The following KLHL29 variants were observed in gnomAD, a reference collection of about 807,000 sequenced individuals.
KLHL29 encodes the protein kelch-like protein 29.
A neutral mutation model predicts 80.4 loss-of-function variants in KLHL29; 21 were observed. The ratio of observed to expected loss-of-function variants is 0.26; its 90% CI spans 0.19 to 0.38. The LOEUF is 0.38. Among genes scored for constraint, KLHL29 ranks in the 10% least tolerant of loss-of-function variants. The probability of loss-of-function intolerance (pLI) is 1.00; values close to 1 mark genes in which losing one functional copy is unlikely to be tolerated. For missense variants in KLHL29, 867 were observed against 1,223.9 expected (o/e 0.71, Z 4.35); for synonymous variants, 511 against 526.8 (o/e 0.97, Z 0.41).
chr2:23,520,086 G>C (rs918055462), intron 2 of KLHL29, among the ~76,000 whole-genome samples: 2 of 152,238 alleles, frequency 1.3e-5, no homozygotes, highest in African/African-American at 4.8e-5. Context: ...CCACCCAGGA[G>C]AGAAGCCAGG....
chr2:23,696,758 T>G lies in KLHL29; in HGVS notation c.2105+245T>G. 4.4e-6 allele frequency: 2 copies of G among 451,576 alleles called. No individual in the cohort carries two copies. Among genetic ancestry groups the G allele is most frequent in the African/African-American group, 2.0e-5 (1 of 48,836 alleles). The allele number at this position is 451,576 out of a possible 1,614,324, so 28.0% of individuals were successfully genotyped here. On this transcript the variant is annotated intron_variant, in intron 11 of 13. Transcript: ENST00000486442. This position sits in a 1 kb window ranked among gnomAD's most constrained non-coding sequence, Gnocchi z 5.5. The stretch of plus-strand genomic sequence containing the variant: ...TGAGATGGGAGATGGGGCGCTTCTG[T>G]CCCGACAACCCATTTAGGTGTCAGA...
intron 2 of KLHL29, among the ~76,000 whole-genome samples, chr2:23,477,662 G>A (rs926937549): frequency 9.2e-5 from 14 of 152,354 alleles, no homozygotes; most frequent in African/African-American, 3.1e-4. Flanking sequence ...CGATATCGCC[G>A]GCACTGGGGA....
chr2:23,568,998 T>A (rs1667653422), intron 3 of KLHL29, among the ~76,000 whole-genome samples: 1 of 152,134 alleles, frequency 6.6e-6, no homozygotes. Flanking sequence ...GAACAGACTG[T>A]CCAGTTGGCT....
intron 5 of KLHL29, chr2:23,670,304 T>TGTC (rs1670675358): frequency 6.6e-6 from 1 of 151,842 alleles, no homozygotes; most frequent in Non-Finnish European, 1.5e-5. Context: ...AGGACGGGGG[T>TGTC]GTCAGTACAG....
intron 3 of KLHL29, among the ~76,000 whole-genome samples, chr2:23,582,086 C>T (rs1204581328): frequency 6.6e-6 from 1 of 152,132 alleles, no homozygotes; most frequent in East Asian, 1.9e-4. Context: ...TGCTCAGGGG[C>T]AAAACAGCTC....
chr2:23,553,513 G>A (rs1353678294), intron 2 of KLHL29, among the ~76,000 whole-genome samples: 1 of 152,172 alleles, frequency 6.6e-6, no homozygotes, highest in African/African-American at 2.4e-5. Context: ...CGTGGCCCCT[G>A]CAAACCCCAC....
In KLHL29 at chr2:23,498,853, G is replaced by A. The variant is rs1293365086; in HGVS notation, c.-46+23186G>A. ...TTCAAGGCAGAACCTGGGTGAGGCCGCCCCTATGCCTCCCAAGACTGGGCG... is the reference window on the plus strand; with the variant it reads ...TTCAAGGCAGAACCTGGGTGAGGCCACCCCTATGCCTCCCAAGACTGGGCG... On this transcript the variant is annotated intron_variant, in intron 2 of 13. Coordinates refer to ENST00000486442, the MANE Select transcript of KLHL29 (RefSeq NM_052920.2). 3.9e-5 allele frequency among the ~76,000 whole-genome samples: 6 copies of A among 152,154 alleles called. No homozygotes were observed. In the East Asian group the frequency reaches 7.7e-4, roughly 20 times the overall value.
rs1033438721 is a variant in KLHL29, at chr2:23,682,882, A to G, written c.941-1517A>G. Among the ~76,000 whole-genome samples, 1 of 45,994 alleles carries G rather than the reference A, an allele frequency of 2.2e-5. No homozygotes were observed. Among genetic ancestry groups the G allele is most frequent in the Non-Finnish European group, 4.0e-5 (1 of 24,710 alleles). The allele number at this position is 45,994 out of a possible 152,430, so 30.2% of individuals were successfully genotyped here. On this transcript the variant is annotated intron_variant, in intron 5 of 13. Coordinates refer to ENST00000486442, the MANE Select transcript of KLHL29 (RefSeq NM_052920.2). This position sits in a 1 kb window ranked among gnomAD's most constrained non-coding sequence, Gnocchi z 4.1. ...AGTGTGACTTGGGGTTGGCGGGGTC[A>G]GTGATTCGGCCTTGCCATGGCTCCC...
chr2:23,644,987 G>A (rs564192649), intron 5 of KLHL29, among the ~76,000 whole-genome samples: 3 of 152,296 alleles, frequency 2.0e-5, no homozygotes, highest in East Asian at 3.9e-4. Flanking sequence ...CTCTTTCCTC[G>A]AAATTCCATG....
intron 1 of KLHL29, among the ~76,000 whole-genome samples, chr2:23,455,005 G>T (rs982766135): frequency 7.2e-6 from 1 of 138,082 alleles, no homozygotes; most frequent in Admixed American, 7.0e-5. Flanking sequence ...GTGGGTTGGG[G>T]GGGGGGCATT....
intron 1 of KLHL29, among the ~76,000 whole-genome samples, chr2:23,431,825 C>T (rs965626200): frequency 7.8e-5 from 11 of 141,494 alleles, no homozygotes; most frequent in African/African-American, 1.8e-4. Flanking sequence ...ACCCGGGAGG[C>T]GGAGCTTGCA....
intron 5 of KLHL29, among the ~76,000 whole-genome samples, chr2:23,664,447 T>A (rs1206709702): frequency 6.6e-6 from 1 of 152,192 alleles, no homozygotes; most frequent in East Asian, 1.9e-4. Flanking sequence ...GGATGTAAAT[T>A]CTGAGTTTGT....
chr2:23,529,772 C>T (rs1317808052), intron 2 of KLHL29, among the ~76,000 whole-genome samples: 1 of 152,208 alleles, frequency 6.6e-6, no homozygotes, highest in African/African-American at 2.4e-5. Context: ...CTCTGGGGTT[C>T]ATGGAGGCAG....
At chr2:23,418,874 C>G (rs1032933733) in intron 1 of KLHL29, among the ~76,000 whole-genome samples, 1 of 152,176 alleles carries the variant, frequency 6.6e-6, no homozygotes, top group South Asian at 2.1e-4. Flanking sequence ...CTGATCCCCC[C>G]TTCCCTGCCC....
intron 2 of KLHL29, among the ~76,000 whole-genome samples, chr2:23,551,068 T>C (rs745833971): frequency 7.2e-5 from 11 of 152,186 alleles, no homozygotes; most frequent in Non-Finnish European, 1.0e-4. Context: ...AGGAGCCACA[T>C]TGGTTATTCG....
intron 1 of KLHL29, among the ~76,000 whole-genome samples, chr2:23,389,254 C>G (rs567599063): frequency 1.2e-4 from 19 of 152,194 alleles, no homozygotes; most frequent in African/African-American, 4.3e-4. Context: ...TACTTAAATG[C>G]GAGTGATGAT....
chr2:23,464,981 C>T (rs915042164), intron 1 of KLHL29, among the ~76,000 whole-genome samples: 3 of 152,220 alleles, frequency 2.0e-5, no homozygotes, highest in African/African-American at 7.2e-5. Context: ...GATTCGTCAA[C>T]AGCAGCCCTT....
In KLHL29 at chr2:23,693,447, C is replaced by T. The variant is rs1335392553; in HGVS notation, c.1461C>T (p.Asp487=). 1 of 1,551,752 alleles carries T rather than the reference C, an allele frequency of 6.4e-7. No individual in the cohort carries two copies. The highest frequency in any genetic ancestry group is 8.7e-7 in the Non-Finnish European group (1 of 1,146,986). ...ACTTCATCGCCTACGTCTCCAACGA[C>T]AGCCTCAACACCAAGGCTGAGGAGC... The part of the protein sequence containing the change: ...KDDFIAYVSN[D]SLNTKAEELV... Residue 487 remains aspartate, a synonymous_variant, in exon 8 of 14, where the codon GAC becomes GAT. Transcript: ENST00000486442.
Position 23,692,086 on chromosome 2 carries a change from C to G in KLHL29, c.1282+210C>G, listed in dbSNP as rs567129946. Among the ~76,000 whole-genome samples the G allele has an allele frequency of 1.1e-3, 172 of 152,338 alleles. 1 individual carries two copies. Among genetic ancestry groups the G allele is most frequent in the African/African-American group, 4.0e-3 (168 of 41,580 alleles). Reference sequence around the variant, plus strand: ...TCCCTGGCATGGAATGAAGAGGACTCCGTGTCATTTCTCTGTAGGTGGGAG... The same window carrying G: ...TCCCTGGCATGGAATGAAGAGGACTGCGTGTCATTTCTCTGTAGGTGGGAG... On this transcript the variant is annotated intron_variant, in intron 7 of 13. Transcript: ENST00000486442.
Sources: gnomAD v4.1 joint callset for allele counts (sites outside exome capture counted in the v4.1 genomes callset) on GRCh38, gnomAD v4.1.1 for gene constraint, Gnocchi (gnomAD v3.1) non-coding constraint, MANE v1.5 for transcripts, NCBI Gene and HGNC (gene_info 2026-07-23, HGNC 2026-07-21) for gene names.